ZNF536: variants seen among roughly 807,000 people sequenced by gnomAD.
The protein encoded by ZNF536 is zinc finger protein 536.
A neutral mutation model predicts 84.5 loss-of-function variants in ZNF536; 13 were observed. The observed-to-expected ratio is 0.15, with a 90% CI of 0.10 to 0.24. The LOEUF is 0.24. Ranked by LOEUF, ZNF536 falls within the 10% of genes least tolerant of loss-of-function variation. The pLI, the probability that ZNF536 is intolerant of heterozygous loss-of-function variation, is 1.00. For synonymous variants in ZNF536, 811 were observed against 742.5 expected (o/e 1.09, Z -1.50); for missense variants, 1,536 against 1,747.5 (o/e 0.88, Z 2.16).
At chr19:30,594,481 CCCTA>C (rs2047380476) in intron 1 of ZNF536, among the ~76,000 whole-genome samples, 1 of 152,220 alleles carries the variant, frequency 6.6e-6, no homozygotes, top group Non-Finnish European at 1.5e-5. Context: ...CCGCCTTTCT[CCCTA>C]CCTCCCTCCA....
At chr19:30,711,899 A>G (rs897158932) in exon 2 of ZNF536, 1 of 152,314 alleles carries the variant, frequency 6.6e-6, no homozygotes, top group South Asian at 2.1e-4. Flanking sequence ...GTAATAATAG[A>G]AAGATTTTTT....
intron 1 of ZNF536, among the ~76,000 whole-genome samples, chr19:30,631,156 A>T (rs1157596229): frequency 3.3e-5 from 5 of 152,160 alleles, no homozygotes; most frequent in Admixed American, 2.6e-4. Flanking sequence ...CTCGGAAGCA[A>T]CCAGGAGCCG....
chr19:30,349,832 A>G (rs2047874467), intron 2 of ZNF536, among the ~76,000 whole-genome samples: 1 of 152,172 alleles, frequency 6.6e-6, no homozygotes, highest in African/African-American at 2.4e-5. Context: ...TCAACCATGT[A>G]AATCACTTTA....
chr19:30,634,815 T>G (rs1294820192), intron 1 of ZNF536, among the ~76,000 whole-genome samples: 1 of 151,930 alleles, frequency 6.6e-6, no homozygotes, highest in Non-Finnish European at 1.5e-5. Context: ...CAGACCCCCT[T>G]CTGAGCCAAG....
chr19:30,472,694 A>C (rs527724466), intron 2 of ZNF536, among the ~76,000 whole-genome samples: 2 of 152,268 alleles, frequency 1.3e-5, no homozygotes, highest in Non-Finnish European at 2.9e-5. Flanking sequence ...CTACTTGACT[A>C]ATATGAAATC....
Position 30,235,609 on chromosome 19 carries a change from T to G in ZNF536, c.-190+6936T>G, listed in dbSNP as rs140098052. 3.1e-3 allele frequency among the ~76,000 whole-genome samples: 479 copies of G among 152,352 alleles called. 6 individuals are homozygous for G. The highest frequency in any genetic ancestry group is 0.011 in the African/African-American group (450 of 41,582). ...ATATTTAATTTTATCTTCTGAAATA[T>G]CTAGAAACACTTATCCCTTATTGAC... On this transcript the variant is annotated intron_variant, in intron 1 of 5. Transcript: ENST00000585628.
intron 1 of ZNF536, among the ~76,000 whole-genome samples, chr19:30,617,060 A>G (rs1430290897): frequency 6.6e-6 from 1 of 151,984 alleles, no homozygotes; most frequent in Non-Finnish European, 1.5e-5. Context: ...CTCGTTTTCT[A>G]TATTGTGAAC....
chr19:30,639,632 G>C (rs926483919), intron 1 of ZNF536, among the ~76,000 whole-genome samples: 1 of 152,196 alleles, frequency 6.6e-6, no homozygotes, highest in Non-Finnish European at 1.5e-5. Context: ...AGATTTTAAG[G>C]ATTTATTTCT....
rs532224714 is a variant in ZNF536, at chr19:30,256,008, G to C, written c.-190+27335G>C. 4.6e-5 allele frequency among the ~76,000 whole-genome samples: 7 copies of C among 152,298 alleles called. 1 individual carries two copies. Among genetic ancestry groups the C allele is most frequent in the African/African-American group, 1.7e-4 (7 of 41,572 alleles). On this transcript the variant is annotated intron_variant, in intron 1 of 5. Transcript: ENST00000585628. ...GAGGCCTCTGCATCTGCAGACCACTGGGGGCAGCTGGCGGCAGCCTCTGTG... is the reference window on the plus strand; with the variant it reads ...GAGGCCTCTGCATCTGCAGACCACTCGGGGCAGCTGGCGGCAGCCTCTGTG...
chr19:30,391,588 A>T (rs2147342790), intron 1 of ZNF536, among the ~76,000 whole-genome samples: 1 of 152,282 alleles, frequency 6.6e-6, no homozygotes, highest in African/African-American at 2.4e-5. Context: ...AAAAACAAAC[A>T]AACAAACAAT....
At chr19:30,282,530 A>G (rs925696135) in intron 1 of ZNF536, among the ~76,000 whole-genome samples, 20 of 152,328 alleles carry the variant, frequency 1.3e-4, no homozygotes, top group African/African-American at 3.4e-4. Context: ...CTCTAAGTGA[A>G]TGGCCCCTGG....
At chr19:30,227,673 G>A (rs1396397258), upstream of ZNF536, among the ~76,000 whole-genome samples, 1 of 151,854 alleles carries the variant, frequency 6.6e-6, no homozygotes, top group Non-Finnish European at 1.5e-5. Flanking sequence ...CGAGGGGCGA[G>A]CGGGAGGGGC....
intron 1 of ZNF536, among the ~76,000 whole-genome samples, chr19:30,649,800 C>T (rs192018512): frequency 1.4e-4 from 21 of 152,180 alleles, no homozygotes; most frequent in Admixed American, 2.6e-4. Flanking sequence ...TGGTTTTCCA[C>T]CTCTCCAATT....
chr19:30,572,179 A>T (rs926237041), intron 1 of ZNF536, among the ~76,000 whole-genome samples: 1 of 152,178 alleles, frequency 6.6e-6, no homozygotes, highest in African/African-American at 2.4e-5. Flanking sequence ...CTACTTGCAG[A>T]AAAAGTACTG....
intron 1 of ZNF536, among the ~76,000 whole-genome samples, chr19:30,417,278 T>A (rs1005837036): frequency 2.6e-5 from 4 of 151,376 alleles, no homozygotes; most frequent in Admixed American, 2.6e-4. Flanking sequence ...ATTATAAGCA[T>A]GAGCCACTGT....
Position 30,557,727 on chromosome 19 carries a change from T to C in ZNF536, c.*563T>C, listed in dbSNP as rs2146382024. On this transcript the variant is annotated 3_prime_UTR_variant, in exon 5 of 5. Coordinates refer to ENST00000355537, the MANE Select transcript of ZNF536 (RefSeq NM_014717.3). ...GGTCGTCCTATTAACCAGGAGCAGA[T>C]GACAGTAAAATTTCAGTGAATAGCA... is the stretch of plus-strand genomic sequence containing the variant. 6.6e-6 allele frequency: 1 copy of C among 152,534 alleles called. No homozygotes were observed. The highest frequency in any genetic ancestry group is 1.9e-4 in the East Asian group (1 of 5,184). 9.4% of individuals were successfully genotyped at this position (152,534 alleles called of 1,614,324 possible). A position where few individuals can be genotyped will look rare whatever the true frequency, so the allele number is the denominator to read the frequency against.
rs369635145 is a variant in ZNF536, at chr19:30,579,086, T to C, written c.169+29572T>C. 8.5e-5 allele frequency among the ~76,000 whole-genome samples: 13 copies of C among 152,366 alleles called. No individual in the cohort carries two copies. The East Asian group carries it at 2.3e-3, about 27-fold the overall frequency. ...AACCCTGTTTCTAAGACTTAGTTAT[T>C]GATCATTAACTGTGAGTTACAGGCT... On this transcript the variant is annotated intron_variant, in intron 1 of 1. Transcript: ENST00000592773.
chr19:30,629,165 G>A (rs929430148), intron 1 of ZNF536, among the ~76,000 whole-genome samples: 4 of 152,114 alleles, frequency 2.6e-5, no homozygotes, highest in African/African-American at 7.2e-5. Flanking sequence ...AGTGCCAAGT[G>A]CTGGGCTAAG....
In ZNF536 at chr19:30,606,170, TAAATAAAATAAAATA is replaced by T. The variant is rs11454529; in HGVS notation, c.169+56668_169+56682del. Among the ~76,000 whole-genome samples, 5 of 101,636 alleles carry T rather than the reference TAAATAAAATAAAATA, an allele frequency of 4.9e-5. No homozygotes were observed. The Admixed American group carries it at 5.9e-4, about 12-fold the overall frequency. The allele number at this position is 101,636 out of a possible 152,430, so 66.7% of individuals were successfully genotyped here. ...CCTCATCTCTAAAAATAAAATAAAA[TAAATAAAATAAAATA>T]AAATAAAATAATAAAATAAAATAAA... On this transcript the variant is annotated intron_variant, in intron 1 of 1. Coordinates refer to the ZNF536 transcript ENST00000592773.
Sources: gnomAD v4.1 joint callset for allele counts (sites outside exome capture counted in the v4.1 genomes callset) on GRCh38, gnomAD v4.1.1 for gene constraint, MANE v1.5 for transcripts, NCBI Gene and HGNC (gene_info 2026-07-23, HGNC 2026-07-21) for gene names.